Variants in IPO5 observed in about 807,000 individuals in gnomAD.
IPO5 encodes importin 5.
IPO5 carries 18 observed loss-of-function variants against 143.3 expected under a neutral mutation model. The observed-to-expected ratio is 0.13, with a 90% CI of 0.09 to 0.19. The LOEUF (loss-of-function observed/expected upper bound fraction) is 0.19. Among genes scored for constraint, IPO5 ranks in the 10% least tolerant of loss-of-function variants. The pLI, the probability that IPO5 is intolerant of heterozygous loss-of-function variation, is 1.00. For missense variants in IPO5, 1,013 were observed against 1,336.9 expected (o/e 0.76, Z 3.78); for synonymous variants, 477 against 465.7 (o/e 1.02, Z -0.31).
intron 7 of IPO5, 63 bp downstream of exon 7, chr13:97,989,227 A>G: frequency 1.2e-6 from 1 of 845,054 alleles, no homozygotes; most frequent in South Asian, 1.6e-5. Context: ...ACACCTTTTA[A>G]CTGATTATTT....
intron 11 of IPO5, among the ~76,000 whole-genome samples, chr13:97,996,220 T>C (rs1888274026): frequency 6.6e-6 from 1 of 152,132 alleles, no homozygotes; most frequent in South Asian, 2.1e-4. Flanking sequence ...TGGCTAATTT[T>C]TGTGTTTTTT....
intron 11 of IPO5, among the ~76,000 whole-genome samples, chr13:97,995,202 A>G (rs1438243845): frequency 6.7e-5 from 7 of 104,454 alleles, no homozygotes; most frequent in African/African-American, 2.4e-4. Flanking sequence ...TTGTTTGTTT[A>G]ATAGGTTTAT....
chr13:98,000,608 G>A lies in IPO5; in HGVS notation c.1071G>A (p.Pro357=), dbSNP rs138601488. Residue 357 remains proline, a synonymous_variant, in exon 13 of 29, where the codon CCG becomes CCA. Coordinates refer to ENST00000651721, the MANE Select transcript of IPO5 (RefSeq NM_002271.6). ...ACGLGGKLVL[P]MIKEHIMQML... ...GACTTGGTGGAAAGCTCGTTCTGCC[G>A]ATGATCAAGGAACACATTATGCAAA... 108 of 1,613,946 alleles carry A rather than the reference G, an allele frequency of 6.7e-5. No individual in the cohort carries two copies. The highest frequency in any genetic ancestry group is 5.1e-4 in the East Asian group (23 of 44,886).
At chr13:98,002,254 A>G in intron 13 of IPO5, 2 of 342,006 alleles carry the variant, frequency 5.8e-6, no homozygotes, top group South Asian at 1.3e-4. Flanking sequence ...TGACCTTGTG[A>G]TCCGCCCGCC....
intron 11 of IPO5, among the ~76,000 whole-genome samples, chr13:97,994,072 C>T (rs929309024): frequency 1.3e-5 from 2 of 152,238 alleles, no homozygotes; most frequent in South Asian, 2.1e-4. Context: ...TTTGGGAGGC[C>T]GAGGCGGGCA....
intron 28 of IPO5, 64 bp from the exon 29 acceptor site, chr13:98,021,666 TATGATG>T (rs952244667): frequency 4.6e-6 from 4 of 866,942 alleles, no homozygotes; most frequent in African/African-American, 3.3e-5. Context: ...ACAGTTTACC[TATGATG>T]ATGATTAAAA....
intron 2 of IPO5, chr13:97,960,396 G>A (rs1884764726): frequency 6.6e-6 from 1 of 152,078 alleles, no homozygotes; most frequent in Non-Finnish European, 1.5e-5. Context: ...CAAGGATTCA[G>A]AACTAAGGTA....
intron 2 of IPO5, among the ~76,000 whole-genome samples, chr13:97,969,169 A>ATTTTTTTTT (rs1566454631): frequency 1.4e-5 from 1 of 72,302 alleles, no homozygotes; most frequent in African/African-American, 7.4e-5. Flanking sequence ...ATATATATAT[A>ATTTTTTTTT]TATATATTTT....
intron 5 of IPO5, among the ~76,000 whole-genome samples, chr13:97,985,105 A>G (rs1214996249): frequency 6.6e-6 from 1 of 152,166 alleles, no homozygotes; most frequent in Non-Finnish European, 1.5e-5. Flanking sequence ...AGCATTCATT[A>G]TAGGGTTTAC....
intron 12 of IPO5, among the ~76,000 whole-genome samples, chr13:97,998,911 G>A (rs1888522800): frequency 6.6e-6 from 1 of 152,156 alleles, no homozygotes; most frequent in Non-Finnish European, 1.5e-5. Flanking sequence ...GGTGGGCAGA[G>A]GCAGGCAGAT....
chr13:97,980,220 G>A (rs953659084), intron 4 of IPO5, among the ~76,000 whole-genome samples: 24 of 152,308 alleles, frequency 1.6e-4, no homozygotes, highest in Non-Finnish European at 2.9e-4. Flanking sequence ...CCCTGTCTGT[G>A]TGGAACTTAG....
chr13:98,015,219 C>T (rs543930473), intron 22 of IPO5, among the ~76,000 whole-genome samples: 1 of 145,202 alleles, frequency 6.9e-6, no homozygotes, highest in Non-Finnish European at 1.5e-5. Flanking sequence ...ATGGATATAG[C>T]AATTGTGTTC....
At chr13:97,969,338 C>T (rs990952083) in intron 2 of IPO5, among the ~76,000 whole-genome samples, 1 of 151,310 alleles carries the variant, frequency 6.6e-6, no homozygotes, top group African/African-American at 2.4e-5. Context: ...CCCACCACCA[C>T]GCCCAGCTAA....
chr13:97,989,975 G>T, intron 7 of IPO5, 151 bp from the exon 8 acceptor site: 1 of 592,042 alleles, frequency 1.7e-6, no homozygotes, highest in Non-Finnish European at 3.0e-6. Flanking sequence ...CCAAAAACAG[G>T]ATTGCTTAGA....
chr13:97,984,230 G>T (rs1273321822), intron 5 of IPO5, among the ~76,000 whole-genome samples: 1 of 151,608 alleles, frequency 6.6e-6, no homozygotes, highest in Non-Finnish European at 1.5e-5. Flanking sequence ...CGCCCGCCTC[G>T]GCCTCCCAAA....
rs1040645221 is a variant in IPO5, at chr13:98,003,090, A to C, written c.1497+53A>C. ...TCTGTTTGTAGATTAATTTGGGTTG[A>C]TTTGATGGGTAAGAACTGGAGAAAG... On this transcript the variant is annotated intron_variant, in intron 16 of 28. Coordinates refer to ENST00000651721, the MANE Select transcript of IPO5 (RefSeq NM_002271.6). 38 of 1,380,676 alleles carry C rather than the reference A, an allele frequency of 2.8e-5. No homozygotes were observed. The African/African-American group carries it at 5.3e-4, about 19-fold the overall frequency. 85.5% of individuals were successfully genotyped at this position (1,380,676 alleles called of 1,614,324 possible).
intron 6 of IPO5, among the ~76,000 whole-genome samples, chr13:97,988,706 T>A (rs1268047399): frequency 2.6e-5 from 4 of 152,186 alleles, no homozygotes; most frequent in Non-Finnish European, 5.9e-5. Context: ...GAGAATTGCT[T>A]GAACCCTGGA....
chr13:97,959,572 C>G (rs1221518124), intron 2 of IPO5, among the ~76,000 whole-genome samples: 2 of 151,790 alleles, frequency 1.3e-5, no homozygotes, highest in Non-Finnish European at 2.9e-5. Context: ...TACTAAAATA[C>G]AAAAAACAAA....
intron 4 of IPO5, among the ~76,000 whole-genome samples, chr13:97,979,199 AAT>A (rs1886638889): frequency 6.6e-6 from 1 of 152,168 alleles, no homozygotes; most frequent in Admixed American, 6.5e-5. Flanking sequence ...TGAACTGAAA[AAT>A]TGGCCAGGGC....
Sources: gnomAD v4.1 joint callset for allele counts (sites outside exome capture counted in the v4.1 genomes callset) on GRCh38, gnomAD v4.1.1 for gene constraint, MANE v1.5 for transcripts, NCBI Gene and HGNC (gene_info 2026-07-23, HGNC 2026-07-21) for gene names.